Variants in MYO1G observed in about 807,000 individuals in gnomAD.
MYO1G encodes myosin IG, also known as unconventional myosin-Ig.
Under a neutral mutation model 115.3 loss-of-function variants are expected in MYO1G, and 65 were observed. The observed-to-expected ratio is 0.56, with a 90% CI of 0.46 to 0.69. MYO1G has a LOEUF of 0.69. Among genes scored for constraint, MYO1G ranks in the 30% least tolerant of loss-of-function variants. The pLI is 0.00. For missense variants in MYO1G, 1,204 were observed against 1,393.5 expected (o/e 0.86, Z 2.16); for synonymous variants, 510 against 552.6 (o/e 0.92, Z 1.08).
chr7:44,966,760 G>C lies in MYO1G; in HGVS notation c.1861C>G (p.Gln621Glu), dbSNP rs757988932. Reference protein sequence around the residue: ...GKLDENHCRHQVAYLGLLENV... With the variant: ...GKLDENHCRHEVAYLGLLENV... ...TCCAGCAGCCCCAGGTATGCGACCT[G>C]GTGGCGACAGTGGTTCTCATCCAGC... The change falls in exon 15 of 22, where the codon CAG becomes GAG. Residue 621 changes from glutamine to glutamate, a missense_variant. Physicochemically the swap from Gln to Glu is conservative, Grantham distance 29. Transcript: ENST00000258787. The surrounding 1 kb of genome is among the most constrained non-coding windows in gnomAD (Gnocchi z 5.0). 1 of 1,613,602 alleles carries C rather than the reference G, an allele frequency of 6.2e-7. No individual in the cohort carries two copies. Among genetic ancestry groups the C allele is most frequent in the Non-Finnish European group, 8.5e-7 (1 of 1,180,008 alleles).
In MYO1G at chr7:44,971,774, C is replaced by A; in HGVS notation, c.745G>T (p.Glu249Ter). Reference sequence around the variant, plus strand: ...TCGGTCACTGCCTGGTGGCTCTGCTCATCACTGTCCAAGGCCTAGGGTAGA... The same window carrying A: ...TCGGTCACTGCCTGGTGGCTCTGCTAATCACTGTCCAAGGCCTAGGGTAGA... ...MTVHSALDSD[E>*]QSHQAVTEAM... Residue 249 changes from glutamate (E) to a stop codon, truncating the protein, a stop_gained, in exon 7 of 22, where the codon GAG (glutamate) becomes TAG (stop). Transcript: ENST00000258787. LOFTEE classifies it high-confidence loss of function. 1 of 1,555,700 alleles carries A rather than the reference C, an allele frequency of 6.4e-7. No individual in the cohort carries two copies. Among genetic ancestry groups the A allele is most frequent in the Admixed American group, 1.9e-5 (1 of 51,630 alleles).
intron 4 of MYO1G, 116 bp downstream of exon 4, chr7:44,975,368 C>T (rs1416995238): frequency 2.0e-6 from 3 of 1,506,188 alleles, no homozygotes; most frequent in East Asian, 2.3e-5. Context: ...AGAAGGGCCA[C>T]AGGGAGAGAC....
At chr7:44,975,352 G>T in intron 4 of MYO1G, 125 bp from the exon 5 acceptor site, 1 of 1,489,832 alleles carries the variant, frequency 6.7e-7, no homozygotes, top group Non-Finnish European at 9.4e-7. Flanking sequence ...GGACACTGAG[G>T]CCCAGAGAAG....
At position 44,967,633 on chromosome 7, in the gene MYO1G, AC is replaced by A; in HGVS notation, c.1753del (p.Val585TrpfsTer25). 1 of 1,613,838 alleles carries A rather than the reference AC, an allele frequency of 6.2e-7. No individual in the cohort carries two copies. Among genetic ancestry groups the A allele is most frequent in the Non-Finnish European group, 8.5e-7 (1 of 1,180,032 alleles). ...TAGTLFKNSMVALVENLASKE... is the reference protein window; with the variant it reads ...TAGTLFKNSMXALVENLASKE... ...GGAGGCAAGGTTCTCCACCAGGGCC[AC>A]CATGGAGTTCTTGAAGAGTGTGCCA... On this transcript the variant is annotated frameshift_variant, in exon 14 of 22. Coordinates refer to ENST00000258787, the MANE Select transcript of MYO1G (RefSeq NM_033054.3). LOFTEE classifies it high-confidence loss of function.
rs375881407 is a variant in MYO1G, at chr7:44,966,623, C to T, written c.1949+49G>A. ...ACCCTCTGCTCCTACCCCTTGGACT[C>T]CACACAGGGACTATGGCCCATGGAG... On this transcript the variant is annotated intron_variant, in intron 15 of 21. Transcript: ENST00000258787. This position sits in a 1 kb window ranked among gnomAD's most constrained non-coding sequence, Gnocchi z 5.0. 1.1e-4 allele frequency: 176 copies of T among 1,608,822 alleles called. No homozygotes were observed. Among genetic ancestry groups the T allele is most frequent in the Non-Finnish European group, 1.5e-4 (172 of 1,176,896 alleles).
Position 44,976,603 on chromosome 7 carries a change from G to A in MYO1G, c.359C>T (p.Ala120Val). Residue 120 changes from alanine to valine, a missense_variant, in exon 3 of 22, where the codon GCT becomes GTT. Coordinates refer to ENST00000258787, the MANE Select transcript of MYO1G (RefSeq NM_033054.3). ...EASKHIMQYI[A>V]AVTNPSQRAE... ...CCTCTGGCTTGGATTGGTGACAGCAGCGATGTACTGCATGATGTGCTTACT... is the reference window on the plus strand; with the variant it reads ...CCTCTGGCTTGGATTGGTGACAGCAACGATGTACTGCATGATGTGCTTACT... 1 of 1,614,130 alleles carries A rather than the reference G, an allele frequency of 6.2e-7. No homozygotes were observed. The highest frequency in any genetic ancestry group is 8.5e-7 in the Non-Finnish European group (1 of 1,180,020).
In MYO1G at chr7:44,974,956, C is replaced by A. The variant is rs572930464; in HGVS notation, c.618+218G>T. 1.9e-5 allele frequency: 12 copies of A among 617,874 alleles called. 1 individual carries two copies. In the South Asian group the frequency reaches 2.1e-4, roughly 11 times the overall value. The allele number at this position is 617,874 out of a possible 1,614,324, so 38.3% of individuals were successfully genotyped here. On this transcript the variant is annotated intron_variant, in intron 5 of 21. Coordinates refer to ENST00000258787, the MANE Select transcript of MYO1G (RefSeq NM_033054.3). ...GAGGTGTCTCAGATAAAGGGGACAT[C>A]CTGCTTTTGTTCCCTGCAAGTCACA...
In MYO1G at chr7:44,962,734, G is replaced by T. The variant is rs1487697913; in HGVS notation, c.*5C>A. Reference sequence around the variant, plus strand: ...GCGGCCTCGGGGTGCGGCGGGTGCGGGCGCTCAGCGGCTGGGCCAGAGCAG... The same window carrying T: ...GCGGCCTCGGGGTGCGGCGGGTGCGTGCGCTCAGCGGCTGGGCCAGAGCAG... On this transcript the variant is annotated 3_prime_UTR_variant, in exon 22 of 22. Transcript: ENST00000258787. The surrounding 1 kb of genome is among the most constrained non-coding windows in gnomAD (Gnocchi z 5.3). The T allele has an allele frequency of 6.9e-7, 1 of 1,456,756 alleles. No homozygotes were observed. Among genetic ancestry groups the T allele is most frequent in the East Asian group, 2.7e-5 (1 of 37,000 alleles). The allele number at this position is 1,456,756 out of a possible 1,614,324, so 90.2% of individuals were successfully genotyped here. A position where few individuals can be genotyped will look rare whatever the true frequency, so the allele number is the denominator to read the frequency against.
Position 44,966,003 on chromosome 7 carries a change from G to T in MYO1G, c.2157+70C>A. ...AGACTCCTGTGAAACTTACAAGTGT[G>T]TTTGTGGCCCCTGGGACACAAGCTT... On this transcript the variant is annotated intron_variant, in intron 16 of 21. Coordinates refer to ENST00000258787, the MANE Select transcript of MYO1G (RefSeq NM_033054.3). This position sits in a 1 kb window ranked among gnomAD's most constrained non-coding sequence, Gnocchi z 5.0. The T allele has an allele frequency of 1.3e-6, 2 of 1,579,120 alleles. No individual in the cohort carries two copies. The highest frequency in any genetic ancestry group is 2.2e-5 in the East Asian group (1 of 44,532).
intron 5 of MYO1G, 184 bp downstream of exon 5, chr7:44,974,990 T>G: frequency 5.9e-6 from 4 of 681,186 alleles, no homozygotes; most frequent in Non-Finnish European, 8.0e-6. Flanking sequence ...CACCCTCTTG[T>G]TTGTGGGGTG....
chr7:44,971,702 G>C lies in MYO1G; in HGVS notation c.817C>G (p.His273Asp), dbSNP rs1157622831. 2.6e-6 allele frequency: 4 copies of C among 1,558,114 alleles called. No individual in the cohort carries two copies. Among genetic ancestry groups the C allele is most frequent in the Non-Finnish European group, 3.5e-6 (4 of 1,150,566 alleles). The change falls in exon 7 of 22, where the codon CAT becomes GAT. Residue 273 changes from histidine (H) to aspartate (D), a missense_variant. Physicochemically the swap from His to Asp is moderately conservative, Grantham distance 81 (BLOSUM62 -1). Transcript: ENST00000258787. ...TGCAATATGGCAGCCAGGATGCGAT[G>C]CACAGACTCCACCTCTTCAGGACTG... Reference protein sequence around the residue: ...GFSPEEVESVHRILAAILHLG... With the variant: ...GFSPEEVESVDRILAAILHLG...
chr7:44,975,003 G>C, intron 5 of MYO1G, 171 bp downstream of exon 5: 1 of 717,036 alleles, frequency 1.4e-6, no homozygotes, highest in Non-Finnish European at 2.5e-6. Context: ...GTGGGGTGTG[G>C]GGTACTGGTT....
rs908857335 is a variant in MYO1G, at chr7:44,963,828, G to C, written c.2745+221C>G. The C allele has an allele frequency of 3.6e-6, 2 of 555,558 alleles. No individual in the cohort carries two copies. Among genetic ancestry groups the C allele is most frequent in the Non-Finnish European group, 6.5e-6 (2 of 307,922 alleles). The allele number at this position is 555,558 out of a possible 1,614,324, so 34.4% of individuals were successfully genotyped here. A position where few individuals can be genotyped will look rare whatever the true frequency, so the allele number is the denominator to read the frequency against. Reference sequence around the variant, plus strand: ...TGGCTAGAGTGTGAGAGTGGGGGTGGGGGGTGACTGGGCTGGTGGGGATCA... The same window carrying C: ...TGGCTAGAGTGTGAGAGTGGGGGTGCGGGGTGACTGGGCTGGTGGGGATCA... On this transcript the variant is annotated intron_variant, in intron 20 of 21. Coordinates refer to ENST00000258787, the MANE Select transcript of MYO1G (RefSeq NM_033054.3). This position sits in a 1 kb window ranked among gnomAD's most constrained non-coding sequence, Gnocchi z 4.1.
chr7:44,964,511 G>T lies in MYO1G; in HGVS notation c.2535C>A (p.Asp845Glu). The T allele has an allele frequency of 6.2e-7, 1 of 1,613,760 alleles. No individual in the cohort carries two copies. The highest frequency in any genetic ancestry group is 8.5e-7 in the Non-Finnish European group (1 of 1,179,734). ...WARDYLSSAT[D>E]NPTASSLFAQ... ...CAAACAGGCTTGATGCTGTGGGATT[G>T]TCAGTGGCCTGAGGACAGATGGAGG... The change falls in exon 19 of 22, where the codon GAC (aspartate) becomes GAA (glutamate). Residue 845 changes from aspartate (D) to glutamate (E), a missense_variant. Physicochemically the swap from Asp to Glu is conservative, Grantham distance 45. Transcript: ENST00000258787. This position sits in a 1 kb window ranked among gnomAD's most constrained non-coding sequence, Gnocchi z 5.1.
chr7:44,967,709 G>T lies in MYO1G; in HGVS notation c.1678C>A (p.Pro560Thr). 1.2e-6 allele frequency: 2 copies of T among 1,613,684 alleles called. No homozygotes were observed. The highest frequency in any genetic ancestry group is 1.7e-6 in the Non-Finnish European group (2 of 1,180,028). ...STDPTLRAMW[P>T]DGQQDITEVT... ...TCTGTGATGTCCTGCTGCCCGTCCG[G>T]CCACATGGCCCGTAGAGTGGGGTCC... Residue 560 changes from proline to threonine, a missense_variant, in exon 14 of 22, where the codon CCG becomes ACG. Coordinates refer to ENST00000258787, the MANE Select transcript of MYO1G (RefSeq NM_033054.3).
At chr7:44,974,252 C>T (rs1401783771) in intron 5 of MYO1G, 5 of 151,954 alleles carry the variant, frequency 3.3e-5, no homozygotes, top group Admixed American at 2.6e-4. Flanking sequence ...AGGCTCCCAC[C>T]TCAGCGGGCG....
chr7:44,969,546 C>T lies in MYO1G; in HGVS notation c.1504-63G>A. Reference sequence around the variant, plus strand: ...GTGGAGGGTCTGTATGAAGGGATAGCCCTGCCTCCCCACCTCCAGGGCAGA... The same window carrying T: ...GTGGAGGGTCTGTATGAAGGGATAGTCCTGCCTCCCCACCTCCAGGGCAGA... On this transcript the variant is annotated intron_variant, in intron 11 of 21. Transcript: ENST00000258787. The surrounding 1 kb of genome is among the most constrained non-coding windows in gnomAD (Gnocchi z 5.0). 6.3e-7 allele frequency: 1 copy of T among 1,592,668 alleles called. No individual in the cohort carries two copies. The highest frequency in any genetic ancestry group is 8.6e-7 in the Non-Finnish European group (1 of 1,161,492).
rs1794847748 is a variant in MYO1G at position 44,966,487 on chromosome 7, G to T, written c.1949+185C>A. 3.5e-6 allele frequency: 3 copies of T among 845,862 alleles called. No individual in the cohort carries two copies. Among genetic ancestry groups the T allele is most frequent in the East Asian group, 5.3e-5 (2 of 37,900 alleles). 52.4% of individuals were successfully genotyped at this position (845,862 alleles called of 1,614,324 possible). ...CTCATACCCATGTTCCCACCTGTAT[G>T]TCCCCACATGCATGTGCTCACACAC... On this transcript the variant is annotated intron_variant, in intron 15 of 21. Transcript: ENST00000258787. This position sits in a 1 kb window ranked among gnomAD's most constrained non-coding sequence, Gnocchi z 5.0.
Position 44,964,266 on chromosome 7 carries a change from T to C in MYO1G, c.2632-104A>G. The C allele has an allele frequency of 1.5e-6, 2 of 1,314,334 alleles. No individual in the cohort carries two copies. Among genetic ancestry groups the C allele is most frequent in the South Asian group, 2.5e-5 (2 of 80,872 alleles). The allele number at this position is 1,314,334 out of a possible 1,614,324, so 81.4% of individuals were successfully genotyped here. A position where few individuals can be genotyped will look rare whatever the true frequency, so the allele number is the denominator to read the frequency against. On this transcript the variant is annotated intron_variant, in intron 19 of 21. Transcript: ENST00000258787. The surrounding 1 kb of genome is among the most constrained non-coding windows in gnomAD (Gnocchi z 5.1). ...CCTCCCCTCCCCGCTGGCGACAGTTTTGGGAGTGTCAGGAGCAGCTGGGCC... is the reference window on the plus strand; with the variant it reads ...CCTCCCCTCCCCGCTGGCGACAGTTCTGGGAGTGTCAGGAGCAGCTGGGCC...
Sources: gnomAD v4.1 joint callset for allele counts on GRCh38, gnomAD v4.1.1 for gene constraint, Gnocchi (gnomAD v3.1) non-coding constraint, MANE v1.5 for transcripts, NCBI Gene and HGNC (gene_info 2026-07-23, HGNC 2026-07-21) for gene names.